The following SH3BGRL2 variants were observed in gnomAD, a reference collection of about 807,000 sequenced individuals.
SH3BGRL2 encodes SH3 domain-binding glutamic acid-rich-like protein 2.
In SH3BGRL2, 21 loss-of-function variants were observed where a neutral mutation model predicts 14.8. The ratio of observed to expected loss-of-function variants is 1.42; its 90% CI spans 1.01 to 2.05. The LOEUF (loss-of-function observed/expected upper bound fraction) is 2.05, where lower values mean the gene tolerates loss of function less well. SH3BGRL2 is among the 30% of genes most tolerant of loss of function. SH3BGRL2 has a pLI of 0.00. For missense variants in SH3BGRL2, 147 were observed against 130.8 expected, an observed-to-expected ratio of 1.12 and a Z score of -0.61; for synonymous variants, 50 against 47.8, an observed-to-expected ratio of 1.05 and a Z score of -0.19.
chr6:79,606,560 C>G, the SH3BGRL2 span, among the ~76,000 whole-genome samples: 1 of 152,158 alleles, frequency 6.6e-6, no homozygotes, highest in African/African-American at 2.4e-5. Context: ...CCTTTAGAAG[C>G]CACGTGCTTT....
chr6:79,586,235 CTTTTTT>C, the SH3BGRL2 span, among the ~76,000 whole-genome samples: 1,214 of 54,868 alleles, frequency 0.022, 5 homozygotes, highest in African/African-American at 0.085. Context: ...GTATGGACTT[CTTTTTT>C]TTTTTTTTTT....
At chr6:79,555,383 G>C in the SH3BGRL2 span, among the ~76,000 whole-genome samples, 1 of 152,106 alleles carries the variant, frequency 6.6e-6, no homozygotes, top group Admixed American at 6.5e-5. Context: ...CCAGGAAGTA[G>C]AGGTTGCAGC....
At chr6:79,568,578 A>T in the SH3BGRL2 span, among the ~76,000 whole-genome samples, 1 of 152,170 alleles carries the variant, frequency 6.6e-6, no homozygotes, top group East Asian at 1.9e-4. Context: ...ACAACAAAAA[A>T]AATTGGAGGA....
At chr6:79,639,029 T>TA (rs1768981456) in intron 1 of SH3BGRL2, among the ~76,000 whole-genome samples, 1 of 152,110 alleles carries the variant, frequency 6.6e-6, no homozygotes, top group Non-Finnish European at 1.5e-5. Flanking sequence ...TTTTTAAAAA[T>TA]CAAAAATTGA....
At chr6:79,657,850 ATAAT>A (rs1382462942) in intron 1 of SH3BGRL2, among the ~76,000 whole-genome samples, 1 of 152,196 alleles carries the variant, frequency 6.6e-6, no homozygotes, top group Non-Finnish European at 1.5e-5. Context: ...AATTATACAA[ATAAT>A]TAAAAGCAAA....
chr6:79,668,502 C>G (rs1248695605), intron 1 of SH3BGRL2, among the ~76,000 whole-genome samples: 1 of 152,000 alleles, frequency 6.6e-6, no homozygotes, highest in Non-Finnish European at 1.5e-5. Context: ...ATTCACAGAT[C>G]TGGAGTCAAA....
chr6:79,613,123 C>T, the SH3BGRL2 span, among the ~76,000 whole-genome samples: 2 of 152,262 alleles, frequency 1.3e-5, no homozygotes, highest in South Asian at 2.1e-4. Flanking sequence ...GCTGGTTAGA[C>T]CCAAAGACAA....
intron 1 of SH3BGRL2, among the ~76,000 whole-genome samples, chr6:79,632,072 C>T (rs1170957337): frequency 6.6e-6 from 1 of 152,124 alleles, no homozygotes; most frequent in Non-Finnish European, 1.5e-5. Context: ...TTTGCTTTCA[C>T]TGTCATTTTT....
the SH3BGRL2 span, among the ~76,000 whole-genome samples, chr6:79,597,505 A>G: frequency 0.024 from 3,633 of 152,240 alleles, 59 homozygotes; most frequent in Middle Eastern, 0.071. Flanking sequence ...GTGTGCTAAG[A>G]TAATTCAACG....
the SH3BGRL2 span, among the ~76,000 whole-genome samples, chr6:79,600,515 GAA>G: frequency 1.3e-5 from 2 of 152,250 alleles, no homozygotes; most frequent in East Asian, 3.9e-4. Flanking sequence ...CTGCGGAGAG[GAA>G]AAGTCACAGT....
chr6:79,540,440 T>C, the SH3BGRL2 span, among the ~76,000 whole-genome samples: 2 of 150,772 alleles, frequency 1.3e-5, no homozygotes, highest in Non-Finnish European at 2.9e-5. Context: ...GTCTCAAAAA[T>C]AAATAAATAA....
rs559912956 is a variant in SH3BGRL2, at chr6:79,631,969, T to C, written c.45+463T>C. Among the ~76,000 whole-genome samples, 13 of 152,314 alleles carry C rather than the reference T, an allele frequency of 8.5e-5. 1 individual carries two copies. The South Asian group carries it at 2.7e-3, about 32-fold the overall frequency. ...AAGTTTAAGTGGGAATTGCTCTCTGTCCTCCCTTCCCCGCCAGCAAGTGCA... is the reference window on the plus strand; with the variant it reads ...AAGTTTAAGTGGGAATTGCTCTCTGCCCTCCCTTCCCCGCCAGCAAGTGCA... On this transcript the variant is annotated intron_variant, in intron 1 of 3. Coordinates refer to ENST00000369838, the MANE Select transcript of SH3BGRL2 (RefSeq NM_031469.4).
intron 1 of SH3BGRL2, among the ~76,000 whole-genome samples, chr6:79,646,872 A>C (rs962089074): frequency 2.6e-5 from 4 of 152,318 alleles, no homozygotes; most frequent in Middle Eastern, 3.4e-3. Context: ...TTAGCACTTC[A>C]TTTCTTTTTA....
the SH3BGRL2 span, among the ~76,000 whole-genome samples, chr6:79,606,458 T>C: frequency 7.9e-5 from 12 of 152,344 alleles, no homozygotes; most frequent in Non-Finnish European, 1.8e-4. Flanking sequence ...CGTACTATGG[T>C]GAACACTGCT....
intron 1 of SH3BGRL2, among the ~76,000 whole-genome samples, chr6:79,644,774 G>A (rs1769095792): frequency 6.6e-6 from 1 of 152,114 alleles, no homozygotes; most frequent in Non-Finnish European, 1.5e-5. Flanking sequence ...CATTTAAATT[G>A]AAGTTGGCAA....
intron 1 of SH3BGRL2, among the ~76,000 whole-genome samples, chr6:79,671,084 G>A (rs1042906581): frequency 1.3e-5 from 2 of 152,014 alleles, no homozygotes; most frequent in East Asian, 3.9e-4. Flanking sequence ...TGGTTACTGG[G>A]TAAATAACTA....
upstream of SH3BGRL2, among the ~76,000 whole-genome samples, chr6:79,629,727 A>T (rs1437062828): frequency 6.6e-6 from 1 of 151,944 alleles, no homozygotes; most frequent in Non-Finnish European, 1.5e-5. Flanking sequence ...TCCACACAAC[A>T]CTGTATTAGT....
intron 1 of SH3BGRL2, among the ~76,000 whole-genome samples, chr6:79,650,709 C>T (rs1031432957): frequency 6.6e-6 from 1 of 151,958 alleles, no homozygotes; most frequent in Non-Finnish European, 1.5e-5. Context: ...GAGGGATCTG[C>T]CCCCATGACT....
At chr6:79,643,598 G>T (rs184518327) in intron 1 of SH3BGRL2, among the ~76,000 whole-genome samples, 1 of 152,322 alleles carries the variant, frequency 6.6e-6, no homozygotes, top group East Asian at 1.9e-4. Context: ...ATTCACATGT[G>T]CAGGCAGTAC....
Sources: allele counts gnomAD v4.1 joint callset (sites outside exome capture counted in the v4.1 genomes callset), GRCh38; gene constraint gnomAD v4.1.1; transcripts MANE v1.5; gene names NCBI Gene and HGNC (gene_info 2026-07-23, HGNC 2026-07-21).